The following PLCE1 variants were observed in gnomAD, a reference collection of about 807,000 sequenced individuals.
The protein encoded by PLCE1 is 1-phosphatidylinositol 4,5-bisphosphate phosphodiesterase epsilon-1.
Under a neutral mutation model 242.8 loss-of-function variants are expected in PLCE1, and 119 were observed. The ratio of observed to expected loss-of-function variants is 0.49; its 90% confidence interval spans 0.42 to 0.57. The LOEUF (loss-of-function observed/expected upper bound fraction) is 0.57. Ranked by LOEUF, PLCE1 falls within the 20% of genes least tolerant of loss-of-function variation. PLCE1 has a pLI of 0.00. For synonymous variants in PLCE1, 945 were observed against 1,017.4 expected, an observed-to-expected ratio of 0.93 and a Z score of 1.35; for missense variants, 2,441 against 2,788.8, an observed-to-expected ratio of 0.88 and a Z score of 2.81.
intron 25 of PLCE1, among the ~76,000 whole-genome samples, chr10:94,305,563 A>G (rs2053171832): frequency 6.6e-6 from 1 of 152,178 alleles, no homozygotes; most frequent in African/African-American, 2.4e-5. Flanking sequence ...GGATAACCCC[A>G]TTCACAGACT....
chr10:94,080,198 C>T (rs2044616781), intron 2 of PLCE1, among the ~76,000 whole-genome samples: 1 of 152,150 alleles, frequency 6.6e-6, no homozygotes, highest in Non-Finnish European at 1.5e-5. Flanking sequence ...CTCACAGCAC[C>T]CCTGAACCTT....
chr10:94,001,183 G>A (rs981189152), intron 1 of PLCE1, among the ~76,000 whole-genome samples: 2 of 152,146 alleles, frequency 1.3e-5, no homozygotes, highest in Non-Finnish European at 2.9e-5. Context: ...CATAGATAGG[G>A]TGCCTAATCT....
intron 29 of PLCE1, among the ~76,000 whole-genome samples, chr10:94,321,629 G>GAAA (rs34787476): frequency 9.6e-6 from 1 of 104,660 alleles, no homozygotes; most frequent in Non-Finnish European, 2.0e-5. Flanking sequence ...CTCCATCTCA[G>GAAA]AAAAAAAAAA....
At chr10:94,231,923 C>A (rs1029607785) in intron 5 of PLCE1, among the ~76,000 whole-genome samples, 3 of 152,218 alleles carry the variant, frequency 2.0e-5, no homozygotes, top group Non-Finnish European at 2.9e-5. Flanking sequence ...TCCTAACAGG[C>A]CATGAGCCAG....
intron 13 of PLCE1, 132 bp from the exon 14 acceptor site, chr10:94,262,359 ACTT>A (rs769332712): frequency 7.8e-6 from 6 of 768,900 alleles, no homozygotes; most frequent in Non-Finnish European, 1.4e-5. Flanking sequence ...AGAAATAAAC[ACTT>A]CTTTGATGGC....
intron 4 of PLCE1, among the ~76,000 whole-genome samples, chr10:94,177,460 G>A (rs980674075): frequency 2.6e-5 from 4 of 152,148 alleles, no homozygotes; most frequent in African/African-American, 7.2e-5. Flanking sequence ...TGTGTTGAAC[G>A]TAGGCTTCAT....
chr10:94,019,666 C>A (rs1387487445), intron 1 of PLCE1, among the ~76,000 whole-genome samples: 1 of 152,174 alleles, frequency 6.6e-6, no homozygotes, highest in Non-Finnish European at 1.5e-5. Flanking sequence ...AATGGAAGAA[C>A]TGAATTTAAA....
chr10:94,050,696 A>G (rs2043739549), intron 2 of PLCE1, among the ~76,000 whole-genome samples: 1 of 152,108 alleles, frequency 6.6e-6, no homozygotes, highest in Non-Finnish European at 1.5e-5. Flanking sequence ...TTTGCAAAAA[A>G]ATAAAAATTT....
At chr10:94,043,269 T>C (rs900040273) in intron 2 of PLCE1, among the ~76,000 whole-genome samples, 4 of 152,212 alleles carry the variant, frequency 2.6e-5, no homozygotes, top group African/African-American at 9.6e-5. Flanking sequence ...CTTTCATAAA[T>C]GCTGCAAGCG....
At chr10:94,288,380 C>T (rs549206304) in intron 22 of PLCE1, among the ~76,000 whole-genome samples, 34 of 152,312 alleles carry the variant, frequency 2.2e-4, no homozygotes, top group Non-Finnish European at 2.9e-5. Context: ...GACCTGGGCT[C>T]TTGGCTACCA....
At chr10:94,203,356 A>G (rs959157476) in intron 4 of PLCE1, among the ~76,000 whole-genome samples, 3 of 152,204 alleles carry the variant, frequency 2.0e-5, no homozygotes, top group East Asian at 3.9e-4. Context: ...CATTTGCTAC[A>G]TATTTCCATG....
chr10:94,289,743 A>C (rs1244378696), intron 22 of PLCE1, among the ~76,000 whole-genome samples: 1 of 152,226 alleles, frequency 6.6e-6, no homozygotes, highest in African/African-American at 2.4e-5. Flanking sequence ...GAAGCTTGCA[A>C]GACTGGAAGT....
At chr10:94,233,978 G>T in intron 5 of PLCE1, 76 bp from the exon 6 acceptor site, 4 of 1,277,720 alleles carry the variant, frequency 3.1e-6, no homozygotes, top group Admixed American at 2.0e-5. Context: ...GAATGAATTT[G>T]TATGGAATTT....
At chr10:94,126,397 T>C (rs1339006207) in intron 2 of PLCE1, among the ~76,000 whole-genome samples, 1 of 152,330 alleles carries the variant, frequency 6.6e-6, no homozygotes, top group East Asian at 1.9e-4. Flanking sequence ...AGAAATATAT[T>C]TTGATAATAT....
chr10:94,325,178 C>T, intron 32 of PLCE1, 74 bp downstream of exon 32: 2 of 1,073,448 alleles, frequency 1.9e-6, no homozygotes, highest in Admixed American at 1.8e-5. Flanking sequence ...ATAATTAGTA[C>T]AATGTCTTTT....
chr10:94,071,495 G>GTTTTTTTTTTTTTTTGTTGTTTT (rs2044353719), intron 2 of PLCE1, among the ~76,000 whole-genome samples: 6 of 83,316 alleles, frequency 7.2e-5, no homozygotes, highest in Non-Finnish European at 1.1e-4. Context: ...TTTGGTTTTC[G>GTTTTTTTTTTTTTTTGTTGTTTT]TTTTTTTTTT....
chr10:94,211,216 G>C (rs183515699), intron 4 of PLCE1, among the ~76,000 whole-genome samples: 182 of 152,324 alleles, frequency 1.2e-3, no homozygotes, highest in Admixed American at 2.2e-3. Flanking sequence ...AGCAATTGCT[G>C]CTGCTCCCAG....
intron 30 of PLCE1, 99 bp downstream of exon 30, chr10:94,322,158 TCAA>T (rs1589543496): frequency 3.5e-6 from 4 of 1,146,910 alleles, no homozygotes; most frequent in Middle Eastern, 1.9e-4. Flanking sequence ...GTGAAGTTCC[TCAA>T]CAACAGGGAC....
chr10:94,111,875 G>T (rs2045967366), intron 2 of PLCE1, among the ~76,000 whole-genome samples: 2 of 152,184 alleles, frequency 1.3e-5, no homozygotes, highest in South Asian at 4.1e-4. Flanking sequence ...GCCGCCGAAG[G>T]TTTATAAAGG....
Sources: gnomAD v4.1 joint callset for allele counts (sites outside exome capture counted in the v4.1 genomes callset) on GRCh38, gnomAD v4.1.1 for gene constraint, MANE v1.5 for transcripts, NCBI Gene and HGNC (gene_info 2026-07-23, HGNC 2026-07-21) for gene names.